Variants in ABCC12 observed in about 807,000 individuals in gnomAD.
The protein encoded by ABCC12 is ATP binding cassette subfamily C member 12.
In ABCC12, 142 loss-of-function variants were observed where a neutral mutation model predicts 151.1. That is an observed-to-expected ratio of 0.94 (90% CI 0.82 to 1.08). The LOEUF (loss-of-function observed/expected upper bound fraction) is 1.08. Ranked by LOEUF, ABCC12 falls within the 50% of genes least tolerant of loss-of-function variation. The pLI, the probability that ABCC12 is intolerant of heterozygous loss-of-function variation, is 0.00. For synonymous variants in ABCC12, 645 were observed against 646.4 expected (o/e 1.00, Z 0.03); for missense variants, 1,638 against 1,691.1 (o/e 0.97, Z 0.55).
At chr16:48,149,649 A>ACAGATGTCCATTAAT (rs140832974) in intron 2 of ABCC12, among the ~76,000 whole-genome samples, 16,539 of 152,258 alleles carry the variant, frequency 0.11, 1,190 homozygotes, top group African/African-American at 0.2. Context: ...CACTGAAATT[A>ACAGATGTCCATTAAT]CAGAAGACAT....
intron 26 of ABCC12, 73 bp from the exon 27 acceptor site, chr16:48,088,158 AGTGG>A: frequency 6.6e-7 from 1 of 1,518,434 alleles, no homozygotes; most frequent in Non-Finnish European, 9.0e-7. Context: ...GCATTTAATC[AGTGG>A]GATTTTTAAT....
chr16:48,154,070 G>A (rs1459178246), intron 1 of ABCC12, among the ~76,000 whole-genome samples, 186 bp from the exon 2 acceptor site: 1 of 152,150 alleles, frequency 6.6e-6, no homozygotes, highest in African/African-American at 2.4e-5. Context: ...AGGAGGCAGT[G>A]CCAACCGGGC....
chr16:48,149,616 C>T (rs190749534), intron 2 of ABCC12, among the ~76,000 whole-genome samples: 113 of 152,204 alleles, frequency 7.4e-4, no homozygotes, highest in Middle Eastern at 3.4e-3. Flanking sequence ...AGTCCTAAAG[C>T]AAAATCTTGA....
chr16:48,136,878 A>G (rs1964629134), intron 8 of ABCC12, among the ~76,000 whole-genome samples: 2 of 152,240 alleles, frequency 1.3e-5, no homozygotes, highest in South Asian at 4.1e-4. Context: ...CTAAGGTTAC[A>G]GTAAAGTGTG....
intron 18 of ABCC12, among the ~76,000 whole-genome samples, chr16:48,108,968 C>T (rs1963594010): frequency 1.3e-5 from 2 of 152,164 alleles, no homozygotes; most frequent in South Asian, 4.1e-4. Context: ...GGCACACACT[C>T]AGGGCTTTTT....
rs201720362 is a variant in ABCC12, at chr16:48,141,209, C to G, written c.420G>C (p.Gly140=). Residue 140 remains glycine (G), a synonymous_variant, in exon 5 of 31, where the codon GGG becomes GGC. Coordinates refer to ENST00000311303, the MANE Select transcript of ABCC12 (RefSeq NM_001393797.1). Reference sequence around the variant, plus strand: ...GAGGAAGGGCTGCCGCACTCACCGGCCCTATGGCTGCCATGATGATGCACA... The same window carrying G: ...GAGGAAGGGCTGCCGCACTCACCGGGCCTATGGCTGCCATGATGATGCACA... ...NILCIIMAAI[G]PTVLIHQILQ... The G allele has an allele frequency of 3.8e-5, 61 of 1,613,696 alleles. No individual in the cohort carries two copies. The highest frequency in any genetic ancestry group is 4.7e-5 in the Non-Finnish European group (56 of 1,179,754).
intron 24 of ABCC12, among the ~76,000 whole-genome samples, chr16:48,094,667 TA>T (rs1351647595): frequency 1.3e-5 from 2 of 152,218 alleles, no homozygotes; most frequent in East Asian, 3.8e-4. Flanking sequence ...TGATTTTCTC[TA>T]AAGAAATTGA....
At chr16:48,117,152 C>T in intron 14 of ABCC12, 109 bp downstream of exon 14, 3 of 1,051,000 alleles carry the variant, frequency 2.9e-6, no homozygotes, top group Non-Finnish European at 2.8e-6. Context: ...GCCCACACGT[C>T]CTTGGGGCAT....
intron 27 of ABCC12, 66 bp downstream of exon 27, chr16:48,087,860 A>T: frequency 6.5e-7 from 1 of 1,548,996 alleles, no homozygotes; most frequent in East Asian, 2.3e-5. Flanking sequence ...GGGACATCAC[A>T]AAGTTCTTGG....
At chr16:48,112,000 T>A (rs2150619017) in intron 15 of ABCC12, 90 bp from the exon 16 acceptor site, 1 of 1,478,722 alleles carries the variant, frequency 6.8e-7, no homozygotes, top group South Asian at 1.3e-5. Context: ...CACTGTTGAC[T>A]TTAGGGGCCA....
At chr16:48,134,601 T>C (rs1964543764) in intron 8 of ABCC12, among the ~76,000 whole-genome samples, 1 of 152,206 alleles carries the variant, frequency 6.6e-6, no homozygotes, top group Non-Finnish European at 1.5e-5. Flanking sequence ...GTTCTAAATT[T>C]CTTCCTGAGG....
intron 2 of ABCC12, among the ~76,000 whole-genome samples, chr16:48,148,348 C>A (rs191874427): frequency 6.6e-6 from 1 of 152,108 alleles, no homozygotes; most frequent in Admixed American, 6.5e-5. Flanking sequence ...GTGATCCTCC[C>A]TCCTCAGCTT....
rs1020634974 is a variant in ABCC12 at position 48,134,868 on chromosome 16, T to C, written c.980-1033A>G. Among the ~76,000 whole-genome samples the C allele has an allele frequency of 1.3e-4, 19 of 151,908 alleles. No individual in the cohort carries two copies. The East Asian group carries it at 3.7e-3, about 29-fold the overall frequency. Reference sequence around the variant, plus strand: ...GAGATCAAGACCATCCTGGCTAACATGGTGAAACCCCGTCTCTACTAAATA... The same window carrying C: ...GAGATCAAGACCATCCTGGCTAACACGGTGAAACCCCGTCTCTACTAAATA... On this transcript the variant is annotated intron_variant, in intron 8 of 30. Transcript: ENST00000311303.
chr16:48,148,835 C>T (rs1449730564), intron 2 of ABCC12, among the ~76,000 whole-genome samples: 1 of 151,646 alleles, frequency 6.6e-6, no homozygotes, highest in Non-Finnish European at 1.5e-5. Flanking sequence ...GCCTTCAAGG[C>T]TCAGTTCAAA....
In ABCC12 at chr16:48,091,095, C is replaced by T. The variant is rs368776538; in HGVS notation, c.3285+25G>A. 5.1e-5 allele frequency: 82 copies of T among 1,610,384 alleles called. No individual in the cohort carries two copies. The Middle Eastern group carries it at 6.6e-4, about 13-fold the overall frequency. On this transcript the variant is annotated intron_variant, in intron 25 of 30. Coordinates refer to ENST00000311303, the MANE Select transcript of ABCC12 (RefSeq NM_001393797.1). ...GTCCTGCCAAAATTAACTTGTCCCTCCTCTCTGATGCACTAATTTCTTACC... is the reference window on the plus strand; with the variant it reads ...GTCCTGCCAAAATTAACTTGTCCCTTCTCTCTGATGCACTAATTTCTTACC...
intron 8 of ABCC12, among the ~76,000 whole-genome samples, chr16:48,136,154 G>A (rs912973324): frequency 3.3e-5 from 5 of 152,142 alleles, no homozygotes; most frequent in Non-Finnish European, 5.9e-5. Context: ...GGGCAGAATC[G>A]AAGCCCACTT....
intron 19 of ABCC12, among the ~76,000 whole-genome samples, chr16:48,108,019 G>GGAAA (rs760621004): frequency 4.0e-5 from 6 of 151,608 alleles, no homozygotes; most frequent in Admixed American, 2.0e-4. Context: ...AAAAAAAAAA[G>GGAAA]GAAAGAAAGA....
At chr16:48,089,363 AG>A (rs1225599419) in intron 25 of ABCC12, among the ~76,000 whole-genome samples, 1 of 152,236 alleles carries the variant, frequency 6.6e-6, no homozygotes, top group Non-Finnish European at 1.5e-5. Flanking sequence ...AAAATCTGCA[AG>A]AATCATCATT....
At chr16:48,089,170 C>T (rs868287640) in intron 25 of ABCC12, among the ~76,000 whole-genome samples, 13 of 151,962 alleles carry the variant, frequency 8.6e-5, no homozygotes, top group Admixed American at 1.3e-4. Context: ...ATTTGAGGGA[C>T]GGAAAGAAAA....
Sources: gnomAD v4.1 joint callset for allele counts (sites outside exome capture counted in the v4.1 genomes callset) on GRCh38, gnomAD v4.1.1 for gene constraint, MANE v1.5 for transcripts, NCBI Gene and HGNC (gene_info 2026-07-23, HGNC 2026-07-21) for gene names.